MROH7: variants seen among roughly 807,000 people sequenced by gnomAD.
The protein encoded by MROH7 is maestro heat like repeat family member 7.
Under a neutral mutation model 129.2 loss-of-function variants are expected in MROH7, and 113 were observed. That is an observed-to-expected ratio of 0.87 (90% CI 0.75 to 1.02). MROH7 has a LOEUF of 1.02. Among genes scored for constraint, MROH7 ranks in the 50% least tolerant of loss-of-function variants. The pLI is 0.00. For missense variants in MROH7, 1,601 were observed against 1,671.3 expected (o/e 0.96, Z 0.73); for synonymous variants, 655 against 667.9 (o/e 0.98, Z 0.30).
Position 54,653,380 on chromosome 1 carries a change from G to A in MROH7, c.454G>A (p.Ala152Thr), listed in dbSNP as rs1011622435. ...GNHPQSNSEDAFKCLSSKIFK... is the reference protein window; with the variant it reads ...GNHPQSNSEDTFKCLSSKIFK... ...CCACCCTCAGTCAAATTCTGAAGAT[G>A]CCTTCAAGTGCCTCTCAAGTAAGAT... The change falls in exon 3 of 24, where the codon GCC (alanine) becomes ACC (threonine). Residue 152 changes from alanine to threonine, a missense_variant. Physicochemically the swap from Ala to Thr is moderately conservative, Grantham distance 58. Transcript: ENST00000421030. The A allele has an allele frequency of 1.2e-6, 2 of 1,614,072 alleles. No homozygotes were observed. The highest frequency in any genetic ancestry group is 2.2e-5 in the East Asian group (1 of 44,888).
intron 2 of MROH7, 110 bp downstream of exon 2, chr1:54,652,093 TG>T (rs538194829): frequency 5.2e-4 from 79 of 152,466 alleles, no homozygotes; most frequent in African/African-American, 1.9e-3. Context: ...TTAAGGCAGG[TG>T]TTTGACAGCT....
intron 17 of MROH7, chr1:54,699,230 C>A (rs1645392305): frequency 1.5e-5 from 2 of 135,522 alleles, no homozygotes; most frequent in Admixed American, 1.5e-4. Flanking sequence ...TTTCTCCTTT[C>A]TTCCTTCTTT....
Position 54,700,362 on chromosome 1 carries a change from C to T in MROH7, c.3006C>T (p.Tyr1002=), listed in dbSNP as rs1247219754. ...AGGTGCGCCGGATCCCCGAGGAATA[C>T]TCTCTGGGGCGGATGGCAGAAGGCC... is the stretch of plus-strand genomic sequence containing the variant. The part of the protein sequence containing the change: ...MEQVRRIPEE[Y]SLGRMAEGLS... The change falls in exon 18 of 24, where the codon TAC becomes TAT. Residue 1002 remains tyrosine (Y), a synonymous_variant. Transcript: ENST00000421030. 6.2e-7 allele frequency: 1 copy of T among 1,614,096 alleles called. No homozygotes were observed. Among genetic ancestry groups the T allele is most frequent in the South Asian group, 1.1e-5 (1 of 91,068 alleles).
Position 54,660,870 on chromosome 1 carries a change from T to C in MROH7, c.1232-4297T>C, listed in dbSNP as rs186686928. ...GAAAAATAAAAAATCATAGTCATTCTAGGGGATTTCTGTCTAGTGATAGTT... is the reference window on the plus strand; with the variant it reads ...GAAAAATAAAAAATCATAGTCATTCCAGGGGATTTCTGTCTAGTGATAGTT... On this transcript the variant is annotated intron_variant, in intron 3 of 23. Transcript: ENST00000421030. 2.6e-5 allele frequency among the ~76,000 whole-genome samples: 4 copies of C among 152,232 alleles called. No individual in the cohort carries two copies. The East Asian group carries it at 7.7e-4, about 29-fold the overall frequency.
chr1:54,681,652 T>G (rs1401696439), intron 13 of MROH7, among the ~76,000 whole-genome samples: 1 of 152,190 alleles, frequency 6.6e-6, no homozygotes, highest in East Asian at 1.9e-4. Flanking sequence ...TTTAGTACAC[T>G]GGCCTGCCAG....
chr1:54,673,356 GCCTCTCCCCACTCTCTCCC>G (rs1446712446), intron 8 of MROH7, among the ~76,000 whole-genome samples, 170 bp downstream of exon 8: 1 of 151,594 alleles, frequency 6.6e-6, no homozygotes, highest in East Asian at 2.0e-4. Context: ...CCAGACTCCT[GCCTCTCCCCACTCTCTCCC>G]CATCCCCCCA....
intron 4 of MROH7, among the ~76,000 whole-genome samples, chr1:54,667,459 A>ATT (rs35832047): frequency 1.4e-4 from 21 of 147,978 alleles, no homozygotes; most frequent in Admixed American, 4.0e-4. Flanking sequence ...AGTGTTTACA[A>ATT]TTTTTTTTTT....
At chr1:54,682,381 T>C (rs1235570351) in intron 13 of MROH7, among the ~76,000 whole-genome samples, 3 of 152,070 alleles carry the variant, frequency 2.0e-5, no homozygotes, top group Non-Finnish European at 2.9e-5. Context: ...TTGGCCAGGC[T>C]GGTCTCAAAC....
intron 3 of MROH7, among the ~76,000 whole-genome samples, chr1:54,659,649 C>T (rs902868744): frequency 3.9e-5 from 6 of 152,130 alleles, no homozygotes; most frequent in African/African-American, 1.4e-4. Context: ...GACAAGGTTT[C>T]TGCATGTTGG....
At chr1:54,646,077 T>C (rs1177641090) in intron 1 of MROH7, among the ~76,000 whole-genome samples, 1 of 152,234 alleles carries the variant, frequency 6.6e-6, no homozygotes, top group Non-Finnish European at 1.5e-5. Flanking sequence ...TTGCCGGGGC[T>C]CCTGTTTATT....
At chr1:54,656,796 G>A (rs571007719) in intron 3 of MROH7, among the ~76,000 whole-genome samples, 1 of 152,188 alleles carries the variant, frequency 6.6e-6, no homozygotes, top group African/African-American at 2.4e-5. Context: ...GGGCGACACA[G>A]CGGGACTCTG....
In MROH7 at chr1:54,703,321, A is replaced by G. The variant is rs1645469754; in HGVS notation, c.3564+576A>G. Among the ~76,000 whole-genome samples, 1 of 152,168 alleles carries G rather than the reference A, an allele frequency of 6.6e-6. No individual in the cohort carries two copies. Among genetic ancestry groups the G allele is most frequent in the South Asian group, 2.1e-4 (1 of 4,832 alleles). ...CCTGCTTGTATTAGATCCCTGCCTC[A>G]AGGGCCACACTGGCTCCTTTTCTAC... is the stretch of plus-strand genomic sequence containing the variant. On this transcript the variant is annotated intron_variant, in intron 21 of 23. Coordinates refer to ENST00000421030, the MANE Select transcript of MROH7 (RefSeq NM_001039464.4). The surrounding 1 kb of genome is among the most constrained non-coding windows in gnomAD (Gnocchi z 4.4).
At chr1:54,656,735 T>C (rs1261251599) in intron 3 of MROH7, among the ~76,000 whole-genome samples, 1 of 151,836 alleles carries the variant, frequency 6.6e-6, no homozygotes, top group Non-Finnish European at 1.5e-5. Flanking sequence ...TACTTAAACC[T>C]GGGAGGCAGA....
intron 4 of MROH7, 89 bp downstream of exon 4, chr1:54,665,329 T>A: frequency 1.1e-6 from 1 of 892,340 alleles, no homozygotes; most frequent in South Asian, 1.5e-5. Context: ...GCCTCCGCAT[T>A]CCCCATGCCT....
intron 13 of MROH7, among the ~76,000 whole-genome samples, chr1:54,681,091 G>A (rs1645063296): frequency 1.3e-5 from 2 of 152,262 alleles, no homozygotes; most frequent in East Asian, 1.9e-4. Context: ...CCCACAGCAG[G>A]CCAGGCAGAG....
intron 16 of MROH7, 54 bp from the exon 17 acceptor site, chr1:54,695,322 A>C: frequency 2.1e-6 from 2 of 946,622 alleles, no homozygotes; most frequent in South Asian, 1.5e-5. Context: ...TCCCCCCCAC[A>C]GGTCCCCCTG....
chr1:54,643,384 G>A (rs1283642704), intron 1 of MROH7, among the ~76,000 whole-genome samples: 1 of 152,202 alleles, frequency 6.6e-6, no homozygotes, highest in African/African-American at 2.4e-5. Flanking sequence ...AAACATTGAG[G>A]ATCCTGGAAG....
intron 18 of MROH7, among the ~76,000 whole-genome samples, 158 bp from the exon 19 acceptor site, chr1:54,700,985 G>A (rs1053856385): frequency 6.6e-6 from 1 of 152,270 alleles, no homozygotes; most frequent in East Asian, 1.9e-4. Flanking sequence ...AGCAGCAAGA[G>A]GTTGGGTGAG....
intron 7 of MROH7, among the ~76,000 whole-genome samples, chr1:54,671,665 G>A (rs1408619070): frequency 1.3e-5 from 2 of 152,324 alleles, no homozygotes; most frequent in African/African-American, 4.8e-5. Context: ...GTAGGATGAA[G>A]GGGAGTGAGG....
Sources: allele counts gnomAD v4.1 joint callset (sites outside exome capture counted in the v4.1 genomes callset), GRCh38; gene constraint gnomAD v4.1.1; non-coding constraint Gnocchi (gnomAD v3.1); transcripts MANE v1.5; gene names NCBI Gene and HGNC (gene_info 2026-07-23, HGNC 2026-07-21).